MRPS6: variants seen among roughly 807,000 people sequenced by gnomAD.
MRPS6 encodes mitochondrial ribosomal protein S6.
A neutral mutation model predicts 13.1 loss-of-function variants in MRPS6; 6 were observed. The observed-to-expected ratio is 0.46, with a 90% CI of 0.25 to 0.91. The LOEUF (loss-of-function observed/expected upper bound fraction) is 0.91. MRPS6 is among the 40% of genes least tolerant of loss of function. The pLI is 0.18. For missense variants in MRPS6, 164 were observed against 155.6 expected (o/e 1.05, Z -0.29); for synonymous variants, 61 against 56.5 (o/e 1.08, Z -0.36).
intron 2 of MRPS6, among the ~76,000 whole-genome samples, chr21:34,137,156 C>T (rs898633494): frequency 2.6e-5 from 4 of 152,052 alleles, no homozygotes; most frequent in Non-Finnish European, 5.9e-5. Context: ...TGTTTTAGAT[C>T]CATTATGAAC....
In MRPS6 at chr21:34,098,574, A is replaced by G. The variant is rs186562174; in HGVS notation, c.45+24829A>G. 2.7e-4 allele frequency: 270 copies of G among 1,000,024 alleles called. 2 individuals are homozygous for G. The African/African-American group carries it at 4.3e-3, about 16-fold the overall frequency. 61.9% of individuals were successfully genotyped at this position (1,000,024 alleles called of 1,614,324 possible). On this transcript the variant is annotated intron_variant, in intron 1 of 2. Transcript: ENST00000399312. Reference sequence around the variant, plus strand: ...GCAAACTGGCCGTCGGTAACAGAAAACTCAGTGCATACTTTGCTGTTGTTA... The same window carrying G: ...GCAAACTGGCCGTCGGTAACAGAAAGCTCAGTGCATACTTTGCTGTTGTTA...
At chr21:34,075,289 C>T (rs1008210264) in intron 1 of MRPS6, among the ~76,000 whole-genome samples, 1 of 152,182 alleles carries the variant, frequency 6.6e-6, no homozygotes, top group Non-Finnish European at 1.5e-5. Flanking sequence ...AATATTTGCT[C>T]ATTCTGTAAC....
At chr21:34,099,192 A>AT (rs1979117072) in intron 1 of MRPS6, 1 of 999,806 alleles carries the variant, frequency 1.0e-6, no homozygotes, top group Non-Finnish European at 1.2e-6. Flanking sequence ...GCCTTGTAGA[A>AT]TTTTTTTCTC....
At chr21:34,104,030 C>G (rs1168394876) in intron 1 of MRPS6, 1 of 1,000,020 alleles carries the variant, frequency 1.0e-6, no homozygotes, top group Non-Finnish European at 1.2e-6. Context: ...CAGTGCCCCC[C>G]CAAACATGCA....
At chr21:34,104,866 CA>C (rs1205968568) in intron 1 of MRPS6, 21 of 998,846 alleles carry the variant, frequency 2.1e-5, no homozygotes, top group Non-Finnish European at 2.3e-5. Context: ...AAGAACTGTA[CA>C]AAAAAATGCT....
chr21:34,116,224 G>A (rs185674301), intron 1 of MRPS6, among the ~76,000 whole-genome samples: 122 of 145,606 alleles, frequency 8.4e-4, no homozygotes, highest in Non-Finnish European at 1.3e-3. Context: ...GTGTATGTGT[G>A]TTTTGTAGAG....
At chr21:34,104,687 C>T (rs931070820) in intron 1 of MRPS6, 2 of 1,000,258 alleles carry the variant, frequency 2.0e-6, no homozygotes, top group Non-Finnish European at 2.4e-6. Context: ...TATCAAACCT[C>T]AGGCCTGGGG....
chr21:34,109,952 A>G (rs768522802), intron 1 of MRPS6, among the ~76,000 whole-genome samples: 3 of 152,166 alleles, frequency 2.0e-5, no homozygotes, highest in Admixed American at 6.5e-5. Context: ...AGGTGGGAGC[A>G]TAATTAGGTG....
At chr21:34,141,062 C>T (rs568285577) in intron 2 of MRPS6, among the ~76,000 whole-genome samples, 1 of 152,302 alleles carries the variant, frequency 6.6e-6, no homozygotes, top group African/African-American at 2.4e-5. Flanking sequence ...CTCATAAGTT[C>T]CTTCCTTGCT....
intron 1 of MRPS6, among the ~76,000 whole-genome samples, chr21:34,111,539 G>A (rs545707744): frequency 1.3e-5 from 2 of 152,234 alleles, no homozygotes; most frequent in East Asian, 1.9e-4. Context: ...TCACTCTCTG[G>A]GTGTATAGCA....
intron 2 of MRPS6, chr21:34,135,578 C>T (rs1980666630): frequency 4.6e-6 from 2 of 434,958 alleles, no homozygotes; most frequent in African/African-American, 2.0e-5. Flanking sequence ...TCAAGAGTGC[C>T]TGTGCACAGC....
chr21:34,127,038 T>C (rs1980331172), intron 2 of MRPS6, among the ~76,000 whole-genome samples: 1 of 152,208 alleles, frequency 6.6e-6, no homozygotes, highest in Non-Finnish European at 1.5e-5. Flanking sequence ...AAGCCAGAAC[T>C]GCTGAGAACA....
At chr21:34,133,980 G>A (rs116244536) in intron 2 of MRPS6, among the ~76,000 whole-genome samples, 58 of 152,308 alleles carry the variant, frequency 3.8e-4, no homozygotes, top group African/African-American at 1.3e-3. Flanking sequence ...CCCCTGTTGG[G>A]TGAGAGTTCC....
chr21:34,119,225 G>A (rs1212666355), intron 1 of MRPS6, among the ~76,000 whole-genome samples: 1 of 152,186 alleles, frequency 6.6e-6, no homozygotes, highest in Non-Finnish European at 1.5e-5. Flanking sequence ...CTTTGCTTAT[G>A]TCATTAGGCA....
chr21:34,106,767 A>G (rs1396542725), intron 1 of MRPS6, among the ~76,000 whole-genome samples: 1 of 152,220 alleles, frequency 6.6e-6, no homozygotes. Context: ...AGAAACAGTG[A>G]TTTTGAATCA....
In MRPS6 at chr21:34,099,442, T is replaced by G. The variant is rs1405794522; in HGVS notation, c.45+25697T>G. ...TCCTTTGGGACAACCTTTTGGTGTT[T>G]GGGAAAGTAATAAGATCTTGGATTT... is the stretch of plus-strand genomic sequence containing the variant. On this transcript the variant is annotated intron_variant, in intron 1 of 2. Coordinates refer to ENST00000399312, the MANE Select transcript of MRPS6 (RefSeq NM_032476.4). 4 of 1,000,062 alleles carry G rather than the reference T, an allele frequency of 4.0e-6. No individual in the cohort carries two copies. The East Asian group carries it at 3.4e-4, about 85-fold the overall frequency. The allele number at this position is 1,000,062 out of a possible 1,614,324, so 61.9% of individuals were successfully genotyped here.
intron 1 of MRPS6, chr21:34,103,470 CT>C (rs1979339815): frequency 1.0e-6 from 1 of 998,612 alleles, no homozygotes; most frequent in South Asian, 4.7e-5. Flanking sequence ...GTTCTGTGAT[CT>C]TAATTTTGTT....
At chr21:34,086,727 G>T (rs909000906) in intron 1 of MRPS6, among the ~76,000 whole-genome samples, 2 of 152,166 alleles carry the variant, frequency 1.3e-5, no homozygotes, top group Non-Finnish European at 2.9e-5. Context: ...CAAACATGTA[G>T]TGTAAAAATA....
rs1979437606 is a variant in MRPS6, at chr21:34,105,519, A to G, written c.46-19822A>G. 6 of 999,710 alleles carry G rather than the reference A, an allele frequency of 6.0e-6. No individual in the cohort carries two copies. In the South Asian group the frequency reaches 1.4e-4, roughly 23 times the overall value. 61.9% of individuals were successfully genotyped at this position (999,710 alleles called of 1,614,324 possible). A position where few individuals can be genotyped will look rare whatever the true frequency, so the allele number is the denominator to read the frequency against. ...ATTAATGCATTTTTAAAAGATGTCT[A>G]CATTGAAACATGTTCTTCCCAGTGT... On this transcript the variant is annotated intron_variant, in intron 1 of 2. Transcript: ENST00000399312.
Sources: allele counts gnomAD v4.1 joint callset (sites outside exome capture counted in the v4.1 genomes callset), GRCh38; gene constraint gnomAD v4.1.1; transcripts MANE v1.5; gene names NCBI Gene and HGNC (gene_info 2026-07-23, HGNC 2026-07-21).